Variants in MYO1H observed in about 807,000 individuals in gnomAD.
MYO1H encodes myosin IH.
A neutral mutation model predicts 149.3 loss-of-function variants in MYO1H; 118 were observed. The ratio of observed to expected loss-of-function variants is 0.79; its 90% CI spans 0.68 to 0.92. The LOEUF (loss-of-function observed/expected upper bound fraction) is 0.92, where lower values mean the gene tolerates loss of function less well. Among genes scored for constraint, MYO1H ranks in the 40% least tolerant of loss-of-function variants. MYO1H has a pLI of 0.00. For synonymous variants in MYO1H, 447 were observed against 465.2 expected, an observed-to-expected ratio of 0.96 and a Z score of 0.50; for missense variants, 1,212 against 1,280.7, an observed-to-expected ratio of 0.95 and a Z score of 0.82.
chr12:109,400,469 A>T (rs1235855065), intron 5 of MYO1H, among the ~76,000 whole-genome samples: 1 of 152,144 alleles, frequency 6.6e-6, no homozygotes, highest in Admixed American at 6.5e-5. Context: ...GGCCACTTAA[A>T]GGCTTTCTTT....
chr12:109,442,513 A>AACAAAC (rs1320254708), intron 27 of MYO1H, among the ~76,000 whole-genome samples: 1 of 152,148 alleles, frequency 6.6e-6, no homozygotes, highest in African/African-American at 2.4e-5. Flanking sequence ...TTGCTTTCCT[A>AACAAAC]CAAAATTGAA....
At chr12:109,313,522 C>T in the MYO1H span, among the ~76,000 whole-genome samples, 1 of 152,104 alleles carries the variant, frequency 6.6e-6, no homozygotes, top group East Asian at 1.9e-4. Flanking sequence ...TTTGGGAGTG[C>T]GATTGCAGAA....
At chr12:109,312,132 T>C in the MYO1H span, among the ~76,000 whole-genome samples, 1 of 152,362 alleles carries the variant, frequency 6.6e-6, no homozygotes, top group African/African-American at 2.4e-5. Context: ...ACAGTGTTTG[T>C]ACTGAAGGAT....
intron 1 of MYO1H, among the ~76,000 whole-genome samples, chr12:109,371,217 T>C (rs937584502): frequency 3.9e-4 from 55 of 142,236 alleles, no homozygotes; most frequent in African/African-American, 3.9e-4. Flanking sequence ...TTCTTTCTTT[T>C]TTTTTTTTTT....
chr12:109,320,513 A>G, the MYO1H span, among the ~76,000 whole-genome samples: 7 of 145,372 alleles, frequency 4.8e-5, no homozygotes, highest in African/African-American at 1.5e-4. Flanking sequence ...AATCTCAGCT[A>G]TTTGGGAGGC....
chr12:109,317,395 C>T, the MYO1H span, among the ~76,000 whole-genome samples: 1 of 152,130 alleles, frequency 6.6e-6, no homozygotes, highest in Non-Finnish European at 1.5e-5. Flanking sequence ...CAGAGAGTAA[C>T]CATTTCGATA....
intron 10 of MYO1H, among the ~76,000 whole-genome samples, chr12:109,409,246 CTTTTTTTTTTTTTTTT>C (rs66507410): frequency 9.8e-4 from 47 of 47,858 alleles, no homozygotes; most frequent in African/African-American, 3.4e-3. Flanking sequence ...TCTTCTTCTT[CTTTTTTTTTTTTTTTT>C]TTTTTTTTTT....
rs1025443235 is a variant in MYO1H, at chr12:109,440,846, C to T, written c.2538+19C>T. 3.1e-5 allele frequency: 25 copies of T among 795,322 alleles called. No individual in the cohort carries two copies. In the East Asian group the frequency reaches 3.3e-4, roughly 10 times the overall value. The allele number at this position is 795,322 out of a possible 1,614,324, so 49.3% of individuals were successfully genotyped here. A position where few individuals can be genotyped will look rare whatever the true frequency, so the allele number is the denominator to read the frequency against. On this transcript the variant is annotated intron_variant, in intron 25 of 31. Transcript: ENST00000310903. The stretch of plus-strand genomic sequence containing the variant: ...AGCAATGGTAGGGACATGATGTCTG[C>T]GGTGGCCGGTGGTGGGGGTGGGTGT...
chr12:109,334,823 A>G, the MYO1H span, among the ~76,000 whole-genome samples: 3 of 152,210 alleles, frequency 2.0e-5, no homozygotes, highest in African/African-American at 7.2e-5. Context: ...AAAATGTACA[A>G]TAGGTTGTAA....
At chr12:109,315,454 A>C in the MYO1H span, among the ~76,000 whole-genome samples, 4 of 152,136 alleles carry the variant, frequency 2.6e-5, no homozygotes, top group Admixed American at 2.6e-4. Context: ...TATTTTTTCA[A>C]ATCAGGGATC....
intron 1 of MYO1H, chr12:109,357,397 T>G (rs1185665307): frequency 6.6e-6 from 1 of 152,242 alleles, no homozygotes; most frequent in Non-Finnish European, 1.5e-5. Flanking sequence ...GTGTGCAGTT[T>G]TAAAATACCA....
Position 109,407,693 on chromosome 12 carries a change from G to A in MYO1H, c.1036-101G>A. On this transcript the variant is annotated intron_variant, in intron 9 of 31. Coordinates refer to ENST00000310903, the Ensembl canonical transcript of MYO1H. The stretch of plus-strand genomic sequence containing the variant: ...AGGCTGGGCAGCAGAGCGAGACCCT[G>A]TCTCATTATTTTATTTTTTTTTTAA... 4 of 1,312,380 alleles carry A rather than the reference G, an allele frequency of 3.0e-6. No individual in the cohort carries two copies. The South Asian group carries it at 5.0e-5, about 16-fold the overall frequency. The allele number at this position is 1,312,380 out of a possible 1,614,324, so 81.3% of individuals were successfully genotyped here. A position where few individuals can be genotyped will look rare whatever the true frequency, so the allele number is the denominator to read the frequency against.
At chr12:109,321,540 G>A in the MYO1H span, among the ~76,000 whole-genome samples, 1 of 152,026 alleles carries the variant, frequency 6.6e-6, no homozygotes, top group Non-Finnish European at 1.5e-5. Context: ...GCAATAGAGC[G>A]AGATCCCTCT....
intron 3 of MYO1H, among the ~76,000 whole-genome samples, chr12:109,395,697 T>C (rs1869860066): frequency 6.6e-6 from 1 of 151,216 alleles, no homozygotes; most frequent in South Asian, 2.1e-4. Context: ...ATCGTGCTAC[T>C]GCACTCTGGC....
Position 109,353,393 on chromosome 12 carries a change from C to CAAAA in MYO1H, c.12+5444_12+5447dup, listed in dbSNP as rs55927192. Among the ~76,000 whole-genome samples the CAAAA allele has an allele frequency of 7.9e-4, 63 of 79,280 alleles. 1 individual carries two copies. The highest frequency in any genetic ancestry group is 2.3e-3 in the African/African-American group (50 of 21,362). 52.0% of individuals were successfully genotyped at this position (79,280 alleles called of 152,430 possible). A position where few individuals can be genotyped will look rare whatever the true frequency, so the allele number is the denominator to read the frequency against. On this transcript the variant is annotated intron_variant, in intron 1 of 31. Coordinates refer to ENST00000310903, the Ensembl canonical transcript of MYO1H. ...TGGGTGACAGAGCGAGACTCCGTCT[C>CAAAA]AAAAAAAAAAAAAAAAAAAAAAAAA...
intron 1 of MYO1H, among the ~76,000 whole-genome samples, chr12:109,374,330 C>A (rs567244143): frequency 6.6e-6 from 1 of 152,108 alleles, no homozygotes; most frequent in Non-Finnish European, 1.5e-5. Context: ...TTATTTAACC[C>A]CTCTGTGTCT....
intron 21 of MYO1H, among the ~76,000 whole-genome samples, 176 bp from the exon 22 acceptor site, chr12:109,436,312 C>A (rs61940343): frequency 0.089 from 13,590 of 151,974 alleles, 733 homozygotes; most frequent in African/African-American, 0.12. Context: ...GGGAGCCAGG[C>A]GTCATGTAAC....
At chr12:109,320,623 CAAAAAAAAAAA>C in the MYO1H span, among the ~76,000 whole-genome samples, 6 of 92,834 alleles carry the variant, frequency 6.5e-5, no homozygotes, top group Non-Finnish European at 8.4e-5. Flanking sequence ...GAATCTGTCT[CAAAAAAAAAAA>C]AAAAAAAAAA....
chr12:109,405,375 A>G (rs577206256), intron 7 of MYO1H, among the ~76,000 whole-genome samples: 2 of 152,312 alleles, frequency 1.3e-5, no homozygotes, highest in South Asian at 2.1e-4. Flanking sequence ...CAATGGCGCT[A>G]TCTTGGCTCA....
Sources: gnomAD v4.1 joint callset for allele counts (sites outside exome capture counted in the v4.1 genomes callset) on GRCh38, gnomAD v4.1.1 for gene constraint, MANE v1.5 for transcripts, NCBI Gene and HGNC (gene_info 2026-07-23, HGNC 2026-07-21) for gene names.